The following SYNE3 variants were observed in gnomAD, a reference collection of about 807,000 sequenced individuals.
The protein encoded by SYNE3 is spectrin repeat containing nuclear envelope family member 3.
SYNE3 carries 100 observed loss-of-function variants against 111.2 expected under a neutral mutation model. That is an observed-to-expected ratio of 0.90 (90% CI 0.77 to 1.06). SYNE3 has a LOEUF of 1.06. SYNE3 is among the 50% of genes least tolerant of loss of function. The probability of loss-of-function intolerance (pLI) is 0.00; values close to 1 mark genes in which losing one functional copy is unlikely to be tolerated. For missense variants in SYNE3, 1,160 were observed against 1,240.3 expected (o/e 0.94, Z 0.97); for synonymous variants, 547 against 533.9 (o/e 1.02, Z -0.34).
intron 5 of SYNE3, 90 bp from the exon 6 acceptor site, chr14:95,455,814 A>G (rs750358483): frequency 8.4e-6 from 11 of 1,312,720 alleles, no homozygotes; most frequent in Non-Finnish European, 1.2e-5. Flanking sequence ...ACTGCCCTGC[A>G]AAACACTGAT....
In SYNE3 at chr14:95,501,003, T is replaced by C. The variant is rs1034025908; in HGVS notation, c.-15+15593A>G. Among the ~76,000 whole-genome samples, 6 of 152,370 alleles carry C rather than the reference T, an allele frequency of 3.9e-5. 1 individual carries two copies. Among genetic ancestry groups the C allele is most frequent in the East Asian group, 3.9e-4 (2 of 5,192 alleles). ...CTTTAATGAATTTCTCTAAAGGGACTGATGGTCCACACGCTTTGCATGAAA... is the reference window on the plus strand; with the variant it reads ...CTTTAATGAATTTCTCTAAAGGGACCGATGGTCCACACGCTTTGCATGAAA... On this transcript the variant is annotated intron_variant, in intron 1 of 17. Coordinates refer to ENST00000682763, the MANE Select transcript of SYNE3 (RefSeq NM_152592.6).
In SYNE3 at chr14:95,479,224, C is replaced by CAAAAAAAAAAAAA. The variant is rs71132351; in HGVS notation, c.-14-3402_-14-3390dup. On this transcript the variant is annotated intron_variant, in intron 1 of 17. Transcript: ENST00000682763. ...CAGCATAGTGAGACCTCGTCTCTACCAAAAAAAAAAAAAAAAAAAAAAAAA... is the reference window on the plus strand; with the variant it reads ...CAGCATAGTGAGACCTCGTCTCTACCAAAAAAAAAAAAAAAAAAAAAAAAAAAAAAAAAAAAAA... Among the ~76,000 whole-genome samples the CAAAAAAAAAAAAA allele has an allele frequency of 8.1e-5, 7 of 86,300 alleles. No homozygotes were observed. The South Asian group carries it at 1.1e-3, about 14-fold the overall frequency. 56.6% of individuals were successfully genotyped at this position (86,300 alleles called of 152,430 possible). A position where few individuals can be genotyped will look rare whatever the true frequency, so the allele number is the denominator to read the frequency against.
intron 15 of SYNE3, among the ~76,000 whole-genome samples, chr14:95,434,073 G>A (rs1001018686): frequency 1.3e-5 from 2 of 152,048 alleles, no homozygotes; most frequent in Non-Finnish European, 2.9e-5. Context: ...GGAGTTGGGT[G>A]GTGGTGCGGT....
rs548371438 is a variant in SYNE3, at chr14:95,454,172, G to C, written c.1137+1205C>G. On this transcript the variant is annotated intron_variant, in intron 6 of 17. Transcript: ENST00000682763. ...CCTCTGCTCTCTCGGGAGCATCCCA[G>C]GGTTGCAGTCCCAGGGGGGATGGAT... Among the ~76,000 whole-genome samples the C allele has an allele frequency of 1.1e-3, 175 of 152,388 alleles. 2 individuals carry two copies. Among genetic ancestry groups the C allele is most frequent in the Non-Finnish European group, 1.4e-3 (92 of 68,036 alleles).
chr14:95,461,818 C>T (rs555309590), intron 4 of SYNE3, among the ~76,000 whole-genome samples: 5 of 152,222 alleles, frequency 3.3e-5, no homozygotes, highest in Non-Finnish European at 7.3e-5. Context: ...CTTCATCAAG[C>T]TTTCAGAGCA....
In SYNE3 at chr14:95,407,649, T is replaced by A. The variant is rs189781703; in HGVS notation, c.*10177A>T. 6.9e-4 allele frequency: 105 copies of A among 152,368 alleles called. 2 individuals are homozygous for A. The highest frequency in any genetic ancestry group is 2.4e-3 in the African/African-American group (101 of 41,592). The allele number at this position is 152,368 out of a possible 1,614,324, so 9.4% of individuals were successfully genotyped here. ...GAGTAGATATGGTCCCTCTGCGTAT[T>A]GTTTACATAATAGAATATTTAAAAC... On this transcript the variant is annotated 3_prime_UTR_variant, in exon 18 of 18. Transcript: ENST00000682763.
At chr14:95,445,452 A>C (rs1339220073) in intron 9 of SYNE3, among the ~76,000 whole-genome samples, 1 of 152,276 alleles carries the variant, frequency 6.6e-6, no homozygotes, top group Non-Finnish European at 1.5e-5. Context: ...TTAGATGCTC[A>C]GCAAACATTT....
chr14:95,444,126 G>A (rs894077746), intron 10 of SYNE3: 15 of 306,148 alleles, frequency 4.9e-5, no homozygotes, highest in African/African-American at 2.6e-4. Flanking sequence ...TACAGTCCAC[G>A]TTTCAGAACA....
intron 10 of SYNE3, 163 bp downstream of exon 10, chr14:95,444,322 A>G (rs1365731535): frequency 1.1e-5 from 10 of 882,374 alleles, no homozygotes; most frequent in Non-Finnish European, 1.5e-5. Context: ...TCAGATAAAT[A>G]AGCAGAGGTT....
chr14:95,511,690 G>C (rs1014370751), intron 1 of SYNE3, among the ~76,000 whole-genome samples: 3 of 151,944 alleles, frequency 2.0e-5, no homozygotes, highest in African/African-American at 7.3e-5. Context: ...ACTCCAGCCT[G>C]GGAGACAGAG....
In SYNE3 at chr14:95,485,478, CG is replaced by C. The variant is rs1283717597; in HGVS notation, c.-14-9644del. On this transcript the variant is annotated intron_variant, in intron 1 of 17. Coordinates refer to ENST00000682763, the MANE Select transcript of SYNE3 (RefSeq NM_152592.6). This position sits in a 1 kb window ranked among gnomAD's most constrained non-coding sequence, Gnocchi z 4.3. ...TGCCCTGAAGGTAAACTGAGAGAGT[CG>C]GCTGCTCCCCGACCAAAGACAGGAC... is the stretch of plus-strand genomic sequence containing the variant. 1.3e-5 allele frequency among the ~76,000 whole-genome samples: 2 copies of C among 152,142 alleles called. No homozygotes were observed. The highest frequency in any genetic ancestry group is 2.9e-5 in the Non-Finnish European group (2 of 68,014).
rs1890273066 is a variant in SYNE3 at position 95,500,002 on chromosome 14, GGCAC to G, written c.-15+16590_-15+16593del. 6.6e-6 allele frequency among the ~76,000 whole-genome samples: 1 copy of G among 151,928 alleles called. No homozygotes were observed. Among genetic ancestry groups the G allele is most frequent in the Non-Finnish European group, 1.5e-5 (1 of 68,006 alleles). ...AGCCTCCAGAATAGCTGGGACTACAGGCACCTGCCACCACACCCGACTAATTTTT... is the reference window on the plus strand; with the variant it reads ...AGCCTCCAGAATAGCTGGGACTACAGCTGCCACCACACCCGACTAATTTTT... On this transcript the variant is annotated intron_variant, in intron 1 of 17. Transcript: ENST00000682763. This position sits in a 1 kb window ranked among gnomAD's most constrained non-coding sequence, Gnocchi z 4.7.
At chr14:95,450,791 T>A (rs894722870) in intron 7 of SYNE3, 2 of 152,222 alleles carry the variant, frequency 1.3e-5, no homozygotes, top group African/African-American at 4.8e-5. Context: ...AGTGGCTCAA[T>A]ATTAACAAGC....
At chr14:95,447,476 C>T (rs957178596) in intron 8 of SYNE3, among the ~76,000 whole-genome samples, 4 of 152,136 alleles carry the variant, frequency 2.6e-5, no homozygotes, top group Admixed American at 2.0e-4. Flanking sequence ...GAGCTAGTGC[C>T]GTGGGAGTTC....
rs1885891818 is a variant in SYNE3, at chr14:95,433,240, T to A, written c.2688+20A>T. 1 of 1,610,596 alleles carries A rather than the reference T, an allele frequency of 6.2e-7. No individual in the cohort carries two copies. Among genetic ancestry groups the A allele is most frequent in the African/African-American group, 1.3e-5 (1 of 74,844 alleles). On this transcript the variant is annotated intron_variant, in intron 16 of 17. Transcript: ENST00000682763. ...AGTCCTGTCCCTGGAATCTGGGACC[T>A]GCACATCCTTGGCACCTACCAGCAG...
intron 1 of SYNE3, among the ~76,000 whole-genome samples, chr14:95,481,867 G>C (rs933553138): frequency 3.3e-5 from 5 of 152,376 alleles, no homozygotes; most frequent in Non-Finnish European, 4.4e-5. Flanking sequence ...AGGAAGGAAA[G>C]GATACTGGCA....
intron 1 of SYNE3, among the ~76,000 whole-genome samples, chr14:95,495,792 AACTG>A (rs1174175176): frequency 6.6e-6 from 1 of 152,218 alleles, no homozygotes; most frequent in African/African-American, 2.4e-5. Context: ...TCTCACACCC[AACTG>A]ACTGAGAGAC....
rs1903492217 is a variant in SYNE3, at chr14:95,413,665, C to A, written c.*4161G>T. 2 of 152,320 alleles carry A rather than the reference C, an allele frequency of 1.3e-5. No individual in the cohort carries two copies. The highest frequency in any genetic ancestry group is 4.1e-4 in the South Asian group (2 of 4,830). 9.4% of individuals were successfully genotyped at this position (152,320 alleles called of 1,614,324 possible). ...CCAGGGTGCAGAGGGTCCCCAGCTT[C>A]CTTCCCCTGAAGATGCCCGGAGACA... On this transcript the variant is annotated 3_prime_UTR_variant, in exon 18 of 18. Coordinates refer to ENST00000682763, the MANE Select transcript of SYNE3 (RefSeq NM_152592.6).
rs542616286 is a variant in SYNE3 at position 95,458,279 on chromosome 14, A to C, written c.628-941T>G. On this transcript the variant is annotated intron_variant, in intron 4 of 17. Transcript: ENST00000682763. ...CCATGATGTAGCTCTGTGGTCCAGC[A>C]GTCAAGACCCTGGGGTTGGGATCCC... 7.9e-4 allele frequency among the ~76,000 whole-genome samples: 121 copies of C among 152,280 alleles called. 2 individuals are homozygous for C. The South Asian group carries it at 0.024, about 30-fold the overall frequency.
Sources: gnomAD v4.1 joint callset for allele counts (sites outside exome capture counted in the v4.1 genomes callset) on GRCh38, gnomAD v4.1.1 for gene constraint, Gnocchi (gnomAD v3.1) non-coding constraint, MANE v1.5 for transcripts, NCBI Gene and HGNC (gene_info 2026-07-23, HGNC 2026-07-21) for gene names.